Variants in EIF2AK3 observed in about 807,000 individuals in gnomAD.
EIF2AK3 encodes the protein eukaryotic translation initiation factor 2-alpha kinase 3.
Under a neutral mutation model 113.5 loss-of-function variants are expected in EIF2AK3, and 50 were observed. That is an observed-to-expected ratio of 0.44 (90% CI 0.35 to 0.56). The LOEUF (loss-of-function observed/expected upper bound fraction) is 0.56, where lower values mean the gene tolerates loss of function less well. EIF2AK3 is among the 20% of genes least tolerant of loss of function. The pLI is 0.00. For missense variants in EIF2AK3, 1,185 were observed against 1,378.0 expected, an observed-to-expected ratio of 0.86 and a Z score of 2.22; for synonymous variants, 448 against 495.4, an observed-to-expected ratio of 0.90 and a Z score of 1.27.
intron 2 of EIF2AK3, among the ~76,000 whole-genome samples, chr2:88,609,094 A>G (rs1253914276): frequency 6.6e-6 from 1 of 151,834 alleles, no homozygotes; most frequent in African/African-American, 2.4e-5. Flanking sequence ...GAACTGGACA[A>G]ATGTTCAACT....
chr2:88,610,923 A>C (rs1004498666), intron 2 of EIF2AK3, among the ~76,000 whole-genome samples: 2 of 152,026 alleles, frequency 1.3e-5, no homozygotes, highest in African/African-American at 4.8e-5. Flanking sequence ...ATGGTGGTGC[A>C]TGTCTGTAGT....
intron 2 of EIF2AK3, 82 bp downstream of exon 2, chr2:88,613,642 A>C: frequency 1.6e-5 from 23 of 1,452,920 alleles, no homozygotes; most frequent in Non-Finnish European, 2.1e-5. Context: ...AAACCTGGGC[A>C]ATAGGGCCCC....
chr2:88,575,568 C>G, intron 12 of EIF2AK3, 122 bp from the exon 13 acceptor site: 4 of 990,632 alleles, frequency 4.0e-6, no homozygotes. Context: ...GACAACAAAA[C>G]AACATACAAA....
chr2:88,609,781 A>G (rs552444155), intron 2 of EIF2AK3, among the ~76,000 whole-genome samples: 1 of 152,144 alleles, frequency 6.6e-6, no homozygotes, highest in Non-Finnish European at 1.5e-5. Flanking sequence ...GGTATTTGTG[A>G]TAAAATTTAT....
At position 88,587,998 on chromosome 2, in the gene EIF2AK3, G is replaced by T; in HGVS notation, c.1413C>A (p.Ile471=). 1 of 1,581,094 alleles carries T rather than the reference G, an allele frequency of 6.3e-7. No homozygotes were observed. Among genetic ancestry groups the T allele is most frequent in the Non-Finnish European group, 8.6e-7 (1 of 1,157,946 alleles). The change falls in exon 8 of 17, where the codon ATC becomes ATA. Residue 471 remains isoleucine (I), a synonymous_variant. Coordinates refer to ENST00000303236, the MANE Select transcript of EIF2AK3 (RefSeq NM_004836.7). ...TTCACTTACCATATGGATACTGCAA[G>T]ATTGAAAGTGCACCATTACTATATT... is the stretch of plus-strand genomic sequence containing the variant. ...HEEYSNGALS[I]LQYPYDNGYY...
rs1442476472 is a variant in EIF2AK3 at position 88,627,218 on chromosome 2, CAG to C, written c.55_56del (p.Leu19AlafsTer57). 8.7e-5 allele frequency: 125 copies of C among 1,429,306 alleles called. No individual in the cohort carries two copies. The highest frequency in any genetic ancestry group is 1.0e-4 in the Non-Finnish European group (113 of 1,081,884). The allele number at this position is 1,429,306 out of a possible 1,614,324, so 88.5% of individuals were successfully genotyped here. On this transcript the variant is annotated frameshift_variant, in exon 1 of 17. Coordinates refer to ENST00000303236, the MANE Select transcript of EIF2AK3 (RefSeq NM_004836.7). LOFTEE classifies it high-confidence loss of function. The stretch of plus-strand genomic sequence containing the variant: ...CCGTCCTTGCCGCGAGCCCCAGCAG[CAG>C]CAGCAGCAGCAGCAGCGCCCGTACC... ...LLVRALLLLL[L>X]LLGLAARTVA...
intron 2 of EIF2AK3, among the ~76,000 whole-genome samples, chr2:88,600,140 G>A (rs55991760): frequency 0.15 from 22,665 of 152,136 alleles, 2,882 homozygotes; most frequent in African/African-American, 0.35. Flanking sequence ...GCTGCTCTTC[G>A]CTAATTGGTT....
chr2:88,559,841 G>A (rs1226679638), intron 15 of EIF2AK3, among the ~76,000 whole-genome samples: 2 of 152,028 alleles, frequency 1.3e-5, no homozygotes, highest in Non-Finnish European at 2.9e-5. Flanking sequence ...ACCACACTTT[G>A]TTTTTCCATT....
At chr2:88,585,404 C>T (rs1308842061) in intron 9 of EIF2AK3, among the ~76,000 whole-genome samples, 7 of 151,548 alleles carry the variant, frequency 4.6e-5, no homozygotes, top group African/African-American at 7.3e-5. Context: ...GATAGCTGTT[C>T]CAGAGAAACA....
chr2:88,606,475 A>G (rs2104459158), intron 2 of EIF2AK3, among the ~76,000 whole-genome samples: 1 of 152,348 alleles, frequency 6.6e-6, no homozygotes, highest in Admixed American at 6.5e-5. Flanking sequence ...AAAGAAAAGC[A>G]ATTAACCCAG....
chr2:88,576,781 C>T (rs1674470938), intron 11 of EIF2AK3, 78 bp from the exon 12 acceptor site: 2 of 1,486,456 alleles, frequency 1.3e-6, no homozygotes, highest in African/African-American at 1.4e-5. Context: ...ATGACTTATA[C>T]CCCTAAAATA....
Position 88,594,637 on chromosome 2 carries a change from A to T in EIF2AK3, c.633+832T>A, listed in dbSNP as rs554751317. 5.5e-4 allele frequency among the ~76,000 whole-genome samples: 84 copies of T among 152,300 alleles called. 1 individual carries two copies. The highest frequency in any genetic ancestry group is 2.0e-3 in the African/African-American group (82 of 41,582). On this transcript the variant is annotated intron_variant, in intron 3 of 16. Transcript: ENST00000303236. ...TAACAGCATGACTTTGTTGTCAGATAGATCTAAGTTAAATGTGACCCTGGA... is the reference window on the plus strand; with the variant it reads ...TAACAGCATGACTTTGTTGTCAGATTGATCTAAGTTAAATGTGACCCTGGA...
At chr2:88,626,117 C>T (rs372118888) in intron 1 of EIF2AK3, among the ~76,000 whole-genome samples, 1 of 152,002 alleles carries the variant, frequency 6.6e-6, no homozygotes, top group African/African-American at 2.4e-5. Context: ...ATTGGCTGTC[C>T]CCCAAATTTA....
At chr2:88,563,917 TTTTTACTTTTTTG>T (rs1394157773) in intron 14 of EIF2AK3, among the ~76,000 whole-genome samples, 1 of 152,184 alleles carries the variant, frequency 6.6e-6, no homozygotes, top group African/African-American at 2.4e-5. Flanking sequence ...TGGTAAGTGA[TTTTTACTTTTTTG>T]TTATATGTCC....
At chr2:88,560,114 C>T (rs1319044916) in intron 15 of EIF2AK3, among the ~76,000 whole-genome samples, 1 of 152,094 alleles carries the variant, frequency 6.6e-6, no homozygotes, top group African/African-American at 2.4e-5. Flanking sequence ...CAACACTTGA[C>T]ATTTCCTTTT....
At chr2:88,586,084 G>T (rs369961984) in intron 8 of EIF2AK3, 23 bp from the exon 9 acceptor site, 9 of 1,587,034 alleles carry the variant, frequency 5.7e-6, no homozygotes, top group African/African-American at 1.5e-5. Context: ...ACATTAAAAC[G>T]TTTTTTTTAA....
rs1674723387 is a variant in EIF2AK3 at position 88,586,078 on chromosome 2, TA to T, written c.1430-18del. Reference sequence around the variant, plus strand: ...AACCATTATCTTCAAATAGAAACATTAAAACGTTTTTTTTAAAGGTAATCAA... The same window carrying T: ...AACCATTATCTTCAAATAGAAACATTAAACGTTTTTTTTAAAGGTAATCAA... On this transcript the variant is annotated intron_variant, in intron 8 of 16. Transcript: ENST00000303236. 2 of 1,607,316 alleles carry T rather than the reference TA, an allele frequency of 1.2e-6. No homozygotes were observed. The highest frequency in any genetic ancestry group is 2.7e-5 in the African/African-American group (2 of 74,534).
intron 14 of EIF2AK3, among the ~76,000 whole-genome samples, chr2:88,563,198 C>G (rs1052060737): frequency 6.6e-6 from 1 of 152,184 alleles, no homozygotes. Flanking sequence ...CATACCAGTA[C>G]TTCTTAACTG....
chr2:88,558,841 A>G, intron 16 of EIF2AK3, 76 bp downstream of exon 16: 1 of 1,190,792 alleles, frequency 8.4e-7, no homozygotes, highest in Non-Finnish European at 1.2e-6. Context: ...AATAGGGGAA[A>G]CTGAGTCGAC....
Sources: allele counts gnomAD v4.1 joint callset (sites outside exome capture counted in the v4.1 genomes callset), GRCh38; gene constraint gnomAD v4.1.1; transcripts MANE v1.5; gene names NCBI Gene and HGNC (gene_info 2026-07-23, HGNC 2026-07-21).